Variants in KDM2B observed in about 807,000 individuals in gnomAD.
KDM2B encodes the protein lysine-specific demethylase 2B.
In KDM2B, 26 loss-of-function variants were observed where a neutral mutation model predicts 150.0. The observed-to-expected ratio is 0.17, with a 90% confidence interval of 0.13 to 0.24. The LOEUF (loss-of-function observed/expected upper bound fraction) is 0.24, where lower values mean the gene tolerates loss of function less well. Ranked by LOEUF, KDM2B falls within the 10% of genes least tolerant of loss-of-function variation. The pLI is 1.00. For synonymous variants in KDM2B, 734 were observed against 729.5 expected, an observed-to-expected ratio of 1.01 and a Z score of -0.10; for missense variants, 1,265 against 1,816.9, an observed-to-expected ratio of 0.70 and a Z score of 5.52.
At chr12:121,569,553 G>T (rs1334588689) in intron 4 of KDM2B, among the ~76,000 whole-genome samples, 1 of 152,204 alleles carries the variant, frequency 6.6e-6, no homozygotes, top group Non-Finnish European at 1.5e-5. Flanking sequence ...CTAAGTCTAT[G>T]AATTTCCTTT....
intron 4 of KDM2B, among the ~76,000 whole-genome samples, chr12:121,558,368 G>C (rs1171272384): frequency 6.6e-6 from 1 of 152,122 alleles, no homozygotes; most frequent in Non-Finnish European, 1.5e-5. Context: ...GGAATCACCT[G>C]GTAGGTCCTG....
At chr12:121,559,903 C>CAA (rs200588261) in intron 4 of KDM2B, among the ~76,000 whole-genome samples, 34 of 66,502 alleles carry the variant, frequency 5.1e-4, no homozygotes, top group Non-Finnish European at 8.6e-4. Flanking sequence ...AACTCCATCT[C>CAA]AAAAAAAAAA....
intron 22 of KDM2B, among the ~76,000 whole-genome samples, chr12:121,431,245 C>T (rs1323623211): frequency 6.6e-6 from 1 of 151,468 alleles, no homozygotes; most frequent in African/African-American, 2.4e-5. Flanking sequence ...GATTCTCCTG[C>T]CTCAGCCTCC....
downstream of KDM2B, among the ~76,000 whole-genome samples, chr12:121,427,455 T>A (rs560451344): frequency 1.3e-5 from 2 of 152,214 alleles, no homozygotes; most frequent in Non-Finnish European, 2.9e-5. Context: ...GGCAGGAGAA[T>A]TGCTTGAACC....
At chr12:121,447,533 G>C (rs782770416) in intron 13 of KDM2B, among the ~76,000 whole-genome samples, 12 of 151,944 alleles carry the variant, frequency 7.9e-5, no homozygotes, top group Non-Finnish European at 1.8e-4. Flanking sequence ...GTAAACCACC[G>C]CACCCGGCAA....
chr12:121,501,694 C>G (rs897615909), intron 11 of KDM2B, among the ~76,000 whole-genome samples: 3 of 151,902 alleles, frequency 2.0e-5, no homozygotes, highest in Non-Finnish European at 4.4e-5. Context: ...AACCTCAGCT[C>G]ACTGCAACCT....
chr12:121,559,516 C>T (rs1555313456), intron 4 of KDM2B, among the ~76,000 whole-genome samples: 1 of 152,178 alleles, frequency 6.6e-6, no homozygotes, highest in Non-Finnish European at 1.5e-5. Context: ...CGTGACAGAA[C>T]ACTACCCAGA....
chr12:121,440,901 G>T lies in KDM2B; in HGVS notation c.3525C>A (p.Leu1175=), dbSNP rs782755306. Residue 1175 remains leucine, a synonymous_variant, in exon 21 of 23, where the codon CTC becomes CTA. Transcript: ENST00000377071. ...SALCSSSCPL[L]RTLDVQWVEG... ...CCACCCACTGGACATCCAGGGTCCG[G>T]AGCAGCGGACAACTGGAGCTGCAAA... 1.9e-6 allele frequency: 3 copies of T among 1,613,944 alleles called. No individual in the cohort carries two copies. Among genetic ancestry groups the T allele is most frequent in the Non-Finnish European group, 2.5e-6 (3 of 1,179,998 alleles).
intron 4 of KDM2B, among the ~76,000 whole-genome samples, chr12:121,565,499 T>C (rs1890633977): frequency 6.6e-6 from 1 of 152,116 alleles, no homozygotes; most frequent in Non-Finnish European, 1.5e-5. Context: ...CTATTTTTAG[T>C]AAAGACGGAG....
At chr12:121,423,714 G>C in the KDM2B span, 20 of 760,860 alleles carry the variant, frequency 2.6e-5, no homozygotes, top group South Asian at 3.5e-4. The surrounding 1 kb of genome is among the most constrained non-coding windows in gnomAD (Gnocchi z 4.3). Flanking sequence ...GGGACAGAAA[G>C]ATCCATCCTG....
At chr12:121,484,956 A>G (rs1482456735) in intron 12 of KDM2B, among the ~76,000 whole-genome samples, 1 of 152,198 alleles carries the variant, frequency 6.6e-6, no homozygotes, top group African/African-American at 2.4e-5. Context: ...CCTAGCACCC[A>G]TATGATTGTT....
chr12:121,578,256 TG>T (rs1338898643), intron 2 of KDM2B, among the ~76,000 whole-genome samples: 1 of 152,136 alleles, frequency 6.6e-6, no homozygotes, highest in Non-Finnish European at 1.5e-5. Context: ...GCAGAGCCCA[TG>T]GGGGAATGCG....
chr12:121,449,878 C>G (rs1474036498), intron 13 of KDM2B, among the ~76,000 whole-genome samples: 4 of 152,162 alleles, frequency 2.6e-5, no homozygotes, highest in Admixed American at 6.5e-5. Context: ...AGCAGTGGAA[C>G]TGAACTTCTG....
intron 12 of KDM2B, among the ~76,000 whole-genome samples, chr12:121,455,822 C>T (rs1878144826): frequency 6.6e-6 from 1 of 152,236 alleles, no homozygotes; most frequent in East Asian, 1.9e-4. Context: ...ACACTACACA[C>T]ATCCATCCGA....
chr12:121,412,093 G>A, the KDM2B span, among the ~76,000 whole-genome samples: 4 of 151,838 alleles, frequency 2.6e-5, no homozygotes, highest in South Asian at 4.2e-4. Flanking sequence ...ATGGAGTCTC[G>A]CTCTGTCACC....
intron 6 of KDM2B, 113 bp downstream of exon 6, chr12:121,548,764 G>A (rs544824890): frequency 7.3e-5 from 56 of 769,912 alleles, no homozygotes; most frequent in South Asian, 5.4e-4. Flanking sequence ...GAACGGGAGC[G>A]GTTGTGACGC....
chr12:121,526,860 C>A (rs1175684848), intron 8 of KDM2B, among the ~76,000 whole-genome samples: 1 of 152,002 alleles, frequency 6.6e-6, no homozygotes, highest in Admixed American at 6.5e-5. Flanking sequence ...GGTAAAACCA[C>A]GTCTCTACTA....
At chr12:121,420,580 C>T in the KDM2B span, 9 of 1,614,000 alleles carry the variant, frequency 5.6e-6, no homozygotes, top group South Asian at 7.7e-5. Context: ...GTTTCAGAAC[C>T]CCGGGCTCTC....
In KDM2B at chr12:121,429,943, G is replaced by A; in HGVS notation, c.*345C>T. 7.6e-6 allele frequency: 5 copies of A among 658,698 alleles called. No individual in the cohort carries two copies. In the South Asian group the frequency reaches 9.1e-5, roughly 12 times the overall value. The allele number at this position is 658,698 out of a possible 1,614,324, so 40.8% of individuals were successfully genotyped here. ...ACCTCGGTGTTGCAAGGAATGAAGT[G>A]TCCAAAACACCACTACCACTAACAG... On this transcript the variant is annotated 3_prime_UTR_variant, in exon 23 of 23. Transcript: ENST00000377071.
Sources: gnomAD v4.1 joint callset for allele counts (sites outside exome capture counted in the v4.1 genomes callset) on GRCh38, gnomAD v4.1.1 for gene constraint, Gnocchi (gnomAD v3.1) non-coding constraint, MANE v1.5 for transcripts, NCBI Gene and HGNC (gene_info 2026-07-23, HGNC 2026-07-21) for gene names.